ACO1: variants seen among roughly 807,000 people sequenced by gnomAD.
The protein encoded by ACO1 is cytoplasmic aconitate hydratase.
Under a neutral mutation model 105.1 loss-of-function variants are expected in ACO1, and 78 were observed. That is an observed-to-expected ratio of 0.74 (90% CI 0.62 to 0.90). The LOEUF (loss-of-function observed/expected upper bound fraction) is 0.90. Among genes scored for constraint, ACO1 ranks in the 40% least tolerant of loss-of-function variants. ACO1 has a pLI of 0.00. For missense variants in ACO1, 965 were observed against 1,111.1 expected (o/e 0.87, Z 1.87); for synonymous variants, 364 against 397.4 (o/e 0.92, Z 1.00).
In ACO1 at chr9:32,399,966, G is replaced by GTTTTTTTTTTTTTTTTTTT. The variant is rs57615512; in HGVS notation, c.-22-5515_-22-5497dup. Among the ~76,000 whole-genome samples, 15 of 69,842 alleles carry GTTTTTTTTTTTTTTTTTTT rather than the reference G, an allele frequency of 2.1e-4. 3 individuals carry two copies. Among genetic ancestry groups the GTTTTTTTTTTTTTTTTTTT allele is most frequent in the African/African-American group, 4.3e-4 (7 of 16,312 alleles). The allele number at this position is 69,842 out of a possible 152,430, so 45.8% of individuals were successfully genotyped here. A position where few individuals can be genotyped will look rare whatever the true frequency, so the allele number is the denominator to read the frequency against. On this transcript the variant is annotated intron_variant, in intron 1 of 20. Transcript: ENST00000309951. ...ATTTCTTTTATTTTTTTCTTTTTCT[G>GTTTTTTTTTTTTTTTTTTT]TTTTTTTTTTTTTTTTTTTTTTGCG...
At chr9:32,389,217 A>T (rs894289259) in intron 1 of ACO1, among the ~76,000 whole-genome samples, 4 of 152,354 alleles carry the variant, frequency 2.6e-5, no homozygotes, top group South Asian at 2.1e-4. Flanking sequence ...GCATGTGCAT[A>T]TATGTACGAG....
intron 1 of ACO1, among the ~76,000 whole-genome samples, chr9:32,396,533 C>A (rs1294274637): frequency 6.6e-6 from 1 of 152,194 alleles, no homozygotes; most frequent in African/African-American, 2.4e-5. Flanking sequence ...ACCAGGCATG[C>A]CACCACCTCA....
chr9:32,432,747 T>C (rs922602432), intron 15 of ACO1, among the ~76,000 whole-genome samples: 8 of 152,244 alleles, frequency 5.3e-5, no homozygotes, highest in Non-Finnish European at 4.4e-5. Context: ...GCATTAGTTA[T>C]CTATTGCTGT....
chr9:32,417,613 T>G (rs1031337550), intron 4 of ACO1, among the ~76,000 whole-genome samples: 2 of 152,220 alleles, frequency 1.3e-5, no homozygotes, highest in Non-Finnish European at 2.9e-5. Context: ...ACCATCTTCC[T>G]CATAAACCTT....
At chr9:32,400,444 C>T (rs1338883870) in intron 1 of ACO1, among the ~76,000 whole-genome samples, 1 of 152,126 alleles carries the variant, frequency 6.6e-6, no homozygotes, top group Non-Finnish European at 1.5e-5. Flanking sequence ...CACTGTTCAT[C>T]TAAGGCTAAA....
chr9:32,398,323 G>A (rs758500051), intron 1 of ACO1, among the ~76,000 whole-genome samples: 11 of 152,162 alleles, frequency 7.2e-5, no homozygotes, highest in Non-Finnish European at 1.3e-4. Context: ...TAAGTCGACT[G>A]TTCCAAACAT....
chr9:32,440,351 G>T, intron 18 of ACO1, 114 bp from the exon 19 acceptor site: 1 of 1,071,722 alleles, frequency 9.3e-7, no homozygotes, highest in Non-Finnish European at 1.4e-6. Context: ...AAGATGATTG[G>T]ACGGATTTGG....
intron 1 of ACO1, among the ~76,000 whole-genome samples, chr9:32,400,050 A>C (rs1247858728): frequency 7.9e-6 from 1 of 126,036 alleles, no homozygotes; most frequent in Non-Finnish European, 1.5e-5. Flanking sequence ...GGTTCACTGC[A>C]CCCTCCGCCT....
At chr9:32,414,982 T>G (rs1821817530) in intron 4 of ACO1, among the ~76,000 whole-genome samples, 1 of 151,932 alleles carries the variant, frequency 6.6e-6, no homozygotes, top group South Asian at 2.1e-4. Flanking sequence ...CTGGGGAGTC[T>G]GTGGGTTTTT....
chr9:32,423,450 T>A, intron 9 of ACO1, 31 bp downstream of exon 9: 1 of 1,424,462 alleles, frequency 7.0e-7, no homozygotes, highest in Non-Finnish European at 9.7e-7. Context: ...GTGCATGTAT[T>A]TCCTCTTCCT....
At chr9:32,411,991 A>G (rs1476155909) in intron 4 of ACO1, among the ~76,000 whole-genome samples, 1 of 152,128 alleles carries the variant, frequency 6.6e-6, no homozygotes, top group Non-Finnish European at 1.5e-5. Context: ...CTCCCACCTC[A>G]GCCTTCCGAG....
At chr9:32,433,356 C>A (rs1038936955) in intron 15 of ACO1, among the ~76,000 whole-genome samples, 1 of 152,192 alleles carries the variant, frequency 6.6e-6, no homozygotes, top group South Asian at 2.1e-4. Flanking sequence ...ATCTCAGCCT[C>A]TCGAGTAGCT....
chr9:32,423,591 A>G (rs966375828), intron 9 of ACO1, among the ~76,000 whole-genome samples, 172 bp downstream of exon 9: 5 of 152,260 alleles, frequency 3.3e-5, no homozygotes, highest in African/African-American at 9.6e-5. Context: ...AATTGTAAAC[A>G]TAACAGAATA....
chr9:32,454,477 T>TAACA lies in ACO1; in HGVS notation c.*4367_*4370dup, dbSNP rs1822836626. On this transcript the variant is annotated 3_prime_UTR_variant, in exon 21 of 21. Coordinates refer to ENST00000309951, the MANE Select transcript of ACO1 (RefSeq NM_002197.3). ...CAGAGATAACAAGGTGGTAGTTGTG[T>TAACA]AACAGGTTGTGTCTGAACCACAGGA... is the stretch of plus-strand genomic sequence containing the variant. The TAACA allele has an allele frequency of 6.8e-6, 1 of 147,304 alleles. No homozygotes were observed. Among genetic ancestry groups the TAACA allele is most frequent in the South Asian group, 2.1e-4 (1 of 4,806 alleles). 9.1% of individuals were successfully genotyped at this position (147,304 alleles called of 1,614,324 possible). A position where few individuals can be genotyped will look rare whatever the true frequency, so the allele number is the denominator to read the frequency against.
intron 10 of ACO1, among the ~76,000 whole-genome samples, chr9:32,425,073 A>G (rs970171312): frequency 6.6e-6 from 1 of 152,240 alleles, no homozygotes; most frequent in Non-Finnish European, 1.5e-5. Flanking sequence ...CTCATAGCAG[A>G]AAGTCCCCTT....
At chr9:32,447,285 A>G (rs2118580806) in intron 19 of ACO1, among the ~76,000 whole-genome samples, 1 of 151,744 alleles carries the variant, frequency 6.6e-6, no homozygotes, top group East Asian at 1.9e-4. Flanking sequence ...TTTTTCTCTA[A>G]TCTTTTCTTA....
intron 16 of ACO1, among the ~76,000 whole-genome samples, 172 bp downstream of exon 16, chr9:32,434,004 G>A (rs960955126): frequency 1.4e-4 from 21 of 152,134 alleles, no homozygotes; most frequent in East Asian, 5.8e-4. Context: ...TTTGGCTGCC[G>A]TGGGTCTATA....
intron 8 of ACO1, among the ~76,000 whole-genome samples, chr9:32,421,873 G>C (rs1459961438): frequency 6.6e-6 from 1 of 152,242 alleles, no homozygotes; most frequent in Non-Finnish European, 1.5e-5. Context: ...ACAGCCATGG[G>C]AAGGGTTTCA....
chr9:32,453,152 T>G lies in ACO1; in HGVS notation c.*3041T>G, dbSNP rs1822806111. ...AAGATTCCCCTGTTTGTTTGGATAG[T>G]TTTCCAAATTCATTACTGCATTCCT... On this transcript the variant is annotated 3_prime_UTR_variant, in exon 21 of 21. Coordinates refer to ENST00000309951, the MANE Select transcript of ACO1 (RefSeq NM_002197.3). The G allele has an allele frequency of 6.6e-6, 1 of 152,120 alleles. No homozygotes were observed. Among genetic ancestry groups the G allele is most frequent in the Non-Finnish European group, 1.5e-5 (1 of 68,032 alleles). The allele number at this position is 152,120 out of a possible 1,614,324, so 9.4% of individuals were successfully genotyped here. A position where few individuals can be genotyped will look rare whatever the true frequency, so the allele number is the denominator to read the frequency against.
Sources: gnomAD v4.1 joint callset for allele counts (sites outside exome capture counted in the v4.1 genomes callset) on GRCh38, gnomAD v4.1.1 for gene constraint, MANE v1.5 for transcripts, NCBI Gene and HGNC (gene_info 2026-07-23, HGNC 2026-07-21) for gene names.